The following FZD3 variants were observed in gnomAD, a reference collection of about 807,000 sequenced individuals.
FZD3 encodes frizzled class receptor 3.
FZD3 carries 30 observed loss-of-function variants against 60.7 expected under a neutral mutation model. The ratio of observed to expected loss-of-function variants is 0.49; its 90% CI spans 0.37 to 0.67. The LOEUF is 0.67. Ranked by LOEUF, FZD3 falls within the 30% of genes least tolerant of loss-of-function variation. The pLI is 0.00. For missense variants in FZD3, 605 were observed against 838.7 expected (o/e 0.72, Z 3.44); for synonymous variants, 246 against 275.2 (o/e 0.89, Z 1.05).
chr8:28,520,502 C>G, intron 3 of FZD3, 136 bp from the exon 4 acceptor site: 2 of 543,776 alleles, frequency 3.7e-6, no homozygotes, highest in African/African-American at 3.8e-5. Context: ...TTTAAAAAAA[C>G]AAAAACTCCC....
intron 3 of FZD3, among the ~76,000 whole-genome samples, chr8:28,513,527 A>C (rs1274853506): frequency 6.6e-6 from 1 of 152,232 alleles, no homozygotes; most frequent in Non-Finnish European, 1.5e-5. Context: ...AGGCGTTTTT[A>C]CAAACCTAAA....
rs1326304733 is a variant in FZD3 at position 28,502,833 on chromosome 8, A to G, written c.-181A>G. ...TCCCATATTGTGAAACCAAAAACAA[A>G]CGCCTTTTGTGAGACCAAGCTAACA... is the stretch of plus-strand genomic sequence containing the variant. On this transcript the variant is annotated 5_prime_UTR_variant, in exon 3 of 8. Coordinates refer to ENST00000240093, the MANE Select transcript of FZD3 (RefSeq NM_017412.4). 5.0e-6 allele frequency: 2 copies of G among 401,618 alleles called. No homozygotes were observed. Among genetic ancestry groups the G allele is most frequent in the Non-Finnish European group, 8.9e-6 (2 of 225,610 alleles). 24.9% of individuals were successfully genotyped at this position (401,618 alleles called of 1,614,324 possible).
intron 6 of FZD3, among the ~76,000 whole-genome samples, chr8:28,555,169 A>G (rs1028132349): frequency 1.3e-5 from 2 of 152,142 alleles, no homozygotes; most frequent in Non-Finnish European, 2.9e-5. Flanking sequence ...ATGACTGCTC[A>G]TGTTTATTCC....
intron 3 of FZD3, among the ~76,000 whole-genome samples, chr8:28,515,735 A>T (rs1049094980): frequency 6.6e-6 from 1 of 152,164 alleles, no homozygotes. Flanking sequence ...GAAGCTGCTG[A>T]TCACCAATTT....
At chr8:28,517,889 T>A (rs1270771718) in intron 3 of FZD3, among the ~76,000 whole-genome samples, 1 of 152,192 alleles carries the variant, frequency 6.6e-6, no homozygotes, top group African/African-American at 2.4e-5. Context: ...GGTTTTCAGT[T>A]ATATCACCCT....
chr8:28,503,082 C>T lies in FZD3; in HGVS notation c.69C>T (p.His23=). ...LTVFMGHIGG[H]SLFSCEPITL... ...TGTTCATGGGGCATATAGGTGGGCA[C>T]AGTTTGTTTTCTTGTGAACCTATTA... is the stretch of plus-strand genomic sequence containing the variant. The change falls in exon 3 of 8, where the codon CAC becomes CAT. Residue 23 remains histidine (H), a synonymous_variant. Coordinates refer to ENST00000240093, the MANE Select transcript of FZD3 (RefSeq NM_017412.4). 6.2e-7 allele frequency: 1 copy of T among 1,613,570 alleles called. No individual in the cohort carries two copies. The highest frequency in any genetic ancestry group is 8.5e-7 in the Non-Finnish European group (1 of 1,179,548).
At chr8:28,517,008 G>C (rs1205697745) in intron 3 of FZD3, among the ~76,000 whole-genome samples, 1 of 151,968 alleles carries the variant, frequency 6.6e-6, no homozygotes, top group Non-Finnish European at 1.5e-5. Flanking sequence ...TATTATTTTT[G>C]TTGGCACAGA....
rs1427529152 is a variant in FZD3, at chr8:28,527,990, C to G, written c.1230C>G (p.Asn410Lys). 6.2e-7 allele frequency: 1 copy of G among 1,613,910 alleles called. No individual in the cohort carries two copies. Among genetic ancestry groups the G allele is most frequent in the South Asian group, 1.1e-5 (1 of 91,078 alleles). The change falls in exon 5 of 8, where the codon AAC (asparagine) becomes AAG (lysine). Residue 410 changes from asparagine (N) to lysine (K), a missense_variant. Transcript: ENST00000240093. The surrounding 1 kb of genome is among the most constrained non-coding windows in gnomAD (Gnocchi z 5.0). ...TTGAGATTCCATTAGAAAAGGAGAA[C>G]CAAGATAAATTAGTGAAGTTTATGA... ...VRIEIPLEKE[N>K]QDKLVKFMIR...
chr8:28,508,468 T>A (rs1397510009), intron 3 of FZD3, among the ~76,000 whole-genome samples: 1 of 150,558 alleles, frequency 6.6e-6, no homozygotes, highest in African/African-American at 2.4e-5. Flanking sequence ...CATCATGAGT[T>A]TATACTGATA....
intron 3 of FZD3, among the ~76,000 whole-genome samples, chr8:28,511,769 A>T (rs774247989): frequency 6.6e-6 from 1 of 151,862 alleles, no homozygotes; most frequent in Non-Finnish European, 1.5e-5. Flanking sequence ...ATGTACCTCT[A>T]TTTTTGTGTG....
chr8:28,497,269 GAA>G (rs1224438375), intron 1 of FZD3, among the ~76,000 whole-genome samples: 3 of 152,146 alleles, frequency 2.0e-5, no homozygotes, highest in Non-Finnish European at 2.9e-5. Flanking sequence ...GGAAAGTTCA[GAA>G]AAGAGATACT....
Position 28,527,136 on chromosome 8 carries a change from T to G in FZD3, c.387-11T>G. On this transcript the variant is annotated splice_polypyrimidine_tract_variant and intron_variant, in intron 4 of 7. Transcript: ENST00000240093. The surrounding 1 kb of genome is among the most constrained non-coding windows in gnomAD (Gnocchi z 5.0). Reference sequence around the variant, plus strand: ...AAGTAAAAATAGTTCTCATCTTGTTTTGTTTTTTAGGTTCCCAGATTGTGA... The same window carrying G: ...AAGTAAAAATAGTTCTCATCTTGTTGTGTTTTTTAGGTTCCCAGATTGTGA... 2 of 1,589,376 alleles carry G rather than the reference T, an allele frequency of 1.3e-6. No homozygotes were observed. Among genetic ancestry groups the G allele is most frequent in the Middle Eastern group, 1.7e-4 (1 of 5,892 alleles).
chr8:28,553,946 G>A (rs1805458083), intron 6 of FZD3, among the ~76,000 whole-genome samples: 1 of 152,144 alleles, frequency 6.6e-6, no homozygotes, highest in Non-Finnish European at 1.5e-5. Context: ...TACAGATAAG[G>A]AAACTGAGGC....
chr8:28,517,449 C>T (rs1397790120), intron 3 of FZD3, among the ~76,000 whole-genome samples: 1 of 152,228 alleles, frequency 6.6e-6, no homozygotes, highest in Non-Finnish European at 1.5e-5. Flanking sequence ...CACAACTTCT[C>T]AAATCTGTAA....
chr8:28,539,663 C>T (rs1805111417), intron 5 of FZD3, among the ~76,000 whole-genome samples: 1 of 151,984 alleles, frequency 6.6e-6, no homozygotes, highest in Admixed American at 6.5e-5. Context: ...TTTAGGTGAC[C>T]ATAGGCTTGA....
chr8:28,501,996 A>G (rs572424264), intron 2 of FZD3, among the ~76,000 whole-genome samples: 18 of 152,296 alleles, frequency 1.2e-4, no homozygotes, highest in Admixed American at 9.1e-4. Flanking sequence ...AACTAATTCA[A>G]TGATTAAAAT....
chr8:28,529,987 A>C (rs960975897), intron 5 of FZD3, among the ~76,000 whole-genome samples: 1 of 152,116 alleles, frequency 6.6e-6, no homozygotes, highest in African/African-American at 2.4e-5. Context: ...CCAGACCTCA[A>C]ACATGTAAAT....
At chr8:28,548,443 G>A (rs1196411072) in intron 5 of FZD3, among the ~76,000 whole-genome samples, 1 of 152,200 alleles carries the variant, frequency 6.6e-6, no homozygotes, top group Non-Finnish European at 1.5e-5. Context: ...TGGGACTACA[G>A]GCCTGAGCCA....
chr8:28,498,331 A>G lies in FZD3; in HGVS notation c.-390-1602A>G, dbSNP rs572562389. The stretch of plus-strand genomic sequence containing the variant: ...ACTACAGTTTCTTATAATAAAAAAA[A>G]AATCAGTAAGAACGCCCCAAATGAC... On this transcript the variant is annotated intron_variant, in intron 1 of 7. Transcript: ENST00000240093. Among the ~76,000 whole-genome samples, 10 of 152,208 alleles carry G rather than the reference A, an allele frequency of 6.6e-5. No individual in the cohort carries two copies. The South Asian group carries it at 1.7e-3, about 25-fold the overall frequency.
Sources: gnomAD v4.1 joint callset for allele counts (sites outside exome capture counted in the v4.1 genomes callset) on GRCh38, gnomAD v4.1.1 for gene constraint, Gnocchi (gnomAD v3.1) non-coding constraint, MANE v1.5 for transcripts, NCBI Gene and HGNC (gene_info 2026-07-23, HGNC 2026-07-21) for gene names.